HGD: variants seen among roughly 807,000 people sequenced by gnomAD.
HGD encodes the protein homogentisate 1,2-dioxygenase.
A neutral mutation model predicts 60.8 loss-of-function variants in HGD; 61 were observed. The ratio of observed to expected loss-of-function variants is 1.00; its 90% CI spans 0.82 to 1.24. The LOEUF (loss-of-function observed/expected upper bound fraction) is 1.24, where lower values mean the gene tolerates loss of function less well. HGD is among the 50% of genes most tolerant of loss of function. The pLI is 0.00. For missense variants in HGD, 542 were observed against 547.1 expected (o/e 0.99, Z 0.09); for synonymous variants, 212 against 187.7 (o/e 1.13, Z -1.06).
In HGD at chr3:120,674,980, G is replaced by C. The variant is rs775575402; in HGVS notation, c.97C>G (p.Gln33Glu). The C allele has an allele frequency of 1.6e-5, 25 of 1,609,642 alleles. No homozygotes were observed. The highest frequency in any genetic ancestry group is 2.1e-5 in the Non-Finnish European group (25 of 1,176,308). ...GSLPEGQNNP[Q>E]VCPYNLYAEQ... ...GCATAGAGATTGTAGGGGCAGACCTGAGGATTATTCTGAAACAAAGGATGC... is the reference window on the plus strand; with the variant it reads ...GCATAGAGATTGTAGGGGCAGACCTCAGGATTATTCTGAAACAAAGGATGC... Residue 33 changes from glutamine to glutamate, a missense_variant, in exon 3 of 14, where the codon CAG becomes GAG. Gln to Glu is a conservative substitution (Grantham distance 29, BLOSUM62 2). This residue lies in a region of HGD where 537 missense variants were observed against 529.1 expected (regional missense o/e 1.01). Coordinates refer to ENST00000283871, the MANE Select transcript of HGD (RefSeq NM_000187.4).
chr3:120,649,655 TC>T (rs1041871475), intron 6 of HGD, among the ~76,000 whole-genome samples: 14 of 152,206 alleles, frequency 9.2e-5, no homozygotes, highest in African/African-American at 3.4e-4. Flanking sequence ...GGCATTTTGT[TC>T]TTCCCAACTG....
At chr3:120,642,267 G>T (rs1941007282) in intron 10 of HGD, among the ~76,000 whole-genome samples, 2 of 152,150 alleles carry the variant, frequency 1.3e-5, no homozygotes, top group African/African-American at 4.8e-5. Flanking sequence ...ATAGGAAGGT[G>T]GTCCCTTCTG....
chr3:120,641,775 C>A, intron 10 of HGD, 82 bp from the exon 11 acceptor site: 2 of 879,606 alleles, frequency 2.3e-6, no homozygotes, highest in East Asian at 4.8e-5. Flanking sequence ...CTGAGTATAC[C>A]TCTCTCTTCT....
At chr3:120,647,499 A>G (rs1231694170) in intron 7 of HGD, among the ~76,000 whole-genome samples, 2 of 152,202 alleles carry the variant, frequency 1.3e-5, no homozygotes, top group Non-Finnish European at 2.9e-5. Context: ...GGTCTCATGA[A>G]AATTTGAATT....
At chr3:120,636,766 T>C (rs1261063532) in intron 12 of HGD, among the ~76,000 whole-genome samples, 1 of 152,214 alleles carries the variant, frequency 6.6e-6, no homozygotes, top group East Asian at 1.9e-4. Context: ...GTGGCCTACG[T>C]CCATCCTAAG....
chr3:120,663,490 C>T (rs974890602), intron 4 of HGD, among the ~76,000 whole-genome samples: 4 of 152,176 alleles, frequency 2.6e-5, no homozygotes, highest in African/African-American at 7.2e-5. Flanking sequence ...GATAGACTAC[C>T]TCCCACCAGG....
chr3:120,670,185 T>C (rs1707993612), intron 4 of HGD: 1 of 538,444 alleles, frequency 1.9e-6, no homozygotes, highest in South Asian at 2.1e-5. Context: ...CATGCAGAAC[T>C]GTGAGTCAAT....
At chr3:120,667,266 C>T (rs1393441788) in intron 4 of HGD, among the ~76,000 whole-genome samples, 3 of 135,944 alleles carry the variant, frequency 2.2e-5, no homozygotes, top group Admixed American at 8.5e-5. Flanking sequence ...GTCAAGGCTG[C>T]AGTGAGCTGT....
intron 2 of HGD, 67 bp from the exon 3 acceptor site, chr3:120,675,056 A>T: frequency 9.5e-7 from 1 of 1,048,722 alleles, no homozygotes; most frequent in Non-Finnish European, 1.5e-6. Flanking sequence ...CCCACCAACC[A>T]ACTCAGTAGG....
Position 120,628,248 on chromosome 3 carries a change from T to A in HGD, c.*132A>T, listed in dbSNP as rs1454129959. On this transcript the variant is annotated 3_prime_UTR_variant, in exon 14 of 14. Coordinates refer to ENST00000283871, the MANE Select transcript of HGD (RefSeq NM_000187.4). ...CTTTGCAAATGCGTTTCCATAAAAGTTCTGAGTTACTTGACTATGAAAAGT... is the reference window on the plus strand; with the variant it reads ...CTTTGCAAATGCGTTTCCATAAAAGATCTGAGTTACTTGACTATGAAAAGT... The A allele has an allele frequency of 9.9e-7, 1 of 1,014,864 alleles. No homozygotes were observed. The highest frequency in any genetic ancestry group is 2.4e-5 in the East Asian group (1 of 42,030). The allele number at this position is 1,014,864 out of a possible 1,614,324, so 62.9% of individuals were successfully genotyped here. A position where few individuals can be genotyped will look rare whatever the true frequency, so the allele number is the denominator to read the frequency against.
chr3:120,632,385 C>T (rs754989448), intron 13 of HGD, among the ~76,000 whole-genome samples: 11 of 152,184 alleles, frequency 7.2e-5, no homozygotes, highest in Admixed American at 2.0e-4. Flanking sequence ...AACTCTACCT[C>T]GAAGAATGCA....
intron 11 of HGD, among the ~76,000 whole-genome samples, chr3:120,639,845 G>A (rs1940911930): frequency 6.6e-6 from 1 of 151,856 alleles, no homozygotes; most frequent in Non-Finnish European, 1.5e-5. Context: ...GATAGGATAG[G>A]TTGAGGGACG....
At chr3:120,671,814 G>T (rs1325692154) in intron 3 of HGD, among the ~76,000 whole-genome samples, 1 of 152,120 alleles carries the variant, frequency 6.6e-6, no homozygotes, top group Admixed American at 6.6e-5. Flanking sequence ...GCCATAAAAA[G>T]GAATGAGATC....
intron 9 of HGD, 184 bp from the exon 10 acceptor site, chr3:120,644,627 GA>G (rs147884582): frequency 1.3e-6 from 2 of 1,528,536 alleles, no homozygotes; most frequent in Non-Finnish European, 8.8e-7. Context: ...AATCTGGTCA[GA>G]AAAAAATTCA....
chr3:120,668,948 G>A (rs777578520), intron 4 of HGD, among the ~76,000 whole-genome samples: 24 of 150,540 alleles, frequency 1.6e-4, no homozygotes, highest in Non-Finnish European at 8.9e-5. Flanking sequence ...GTCGTTTATA[G>A]CACTGGGTCT....
Position 120,644,460 on chromosome 3 carries a change from C to A in HGD, c.650-17G>T. On this transcript the variant is annotated splice_polypyrimidine_tract_variant and intron_variant, in intron 9 of 13. Coordinates refer to ENST00000283871, the MANE Select transcript of HGD (RefSeq NM_000187.4). ...CATTGGCCCCTAGAAAACAGTAACC[C>A]AAAAGTCTTTTAGAAACTTCCAAAA... 2.5e-6 allele frequency: 4 copies of A among 1,613,888 alleles called. No homozygotes were observed. Among genetic ancestry groups the A allele is most frequent in the South Asian group, 1.1e-5 (1 of 91,056 alleles).
At chr3:120,653,633 C>G (rs1354809362) in intron 4 of HGD, among the ~76,000 whole-genome samples, 1 of 152,152 alleles carries the variant, frequency 6.6e-6, no homozygotes, top group Non-Finnish European at 1.5e-5. Flanking sequence ...AAAAGCAAAG[C>G]AGGATGGTCA....
chr3:120,674,886 A>T lies in HGD; in HGVS notation c.176+15T>A, dbSNP rs1350962027. On this transcript the variant is annotated intron_variant, in intron 3 of 13. Transcript: ENST00000283871. The stretch of plus-strand genomic sequence containing the variant: ...ACCCACAGTCTGCAGGTCAGAATTC[A>T]TCTAATCCTTGTACCTTCTCTTATT... 9.6e-6 allele frequency: 15 copies of T among 1,570,020 alleles called. No homozygotes were observed. The highest frequency in any genetic ancestry group is 1.3e-5 in the Non-Finnish European group (15 of 1,140,588).
chr3:120,675,215 T>G (rs1708104152), intron 2 of HGD, among the ~76,000 whole-genome samples: 1 of 152,116 alleles, frequency 6.6e-6, no homozygotes, highest in Admixed American at 6.6e-5. Context: ...ACACCCATTA[T>G]CTCACAACCA....
Sources: gnomAD v4.1 joint callset for allele counts (sites outside exome capture counted in the v4.1 genomes callset) on GRCh38, gnomAD v4.1.1 for gene constraint, gnomAD v4.1.1 regional missense constraint, MANE v1.5 for transcripts, NCBI Gene and HGNC (gene_info 2026-07-23, HGNC 2026-07-21) for gene names.